Variants in SLC11A1 observed in about 807,000 individuals in gnomAD.
The protein encoded by SLC11A1 is natural resistance-associated macrophage protein 1.
A neutral mutation model predicts 63.2 loss-of-function variants in SLC11A1; 59 were observed. That is an observed-to-expected ratio of 0.93 (90% CI 0.76 to 1.16). The LOEUF (loss-of-function observed/expected upper bound fraction) is 1.16. SLC11A1 is among the 50% of genes most tolerant of loss of function. SLC11A1 has a pLI of 0.00. For synonymous variants in SLC11A1, 305 were observed against 307.8 expected, an observed-to-expected ratio of 0.99 and a Z score of 0.09; for missense variants, 688 against 730.7, an observed-to-expected ratio of 0.94 and a Z score of 0.67.
chr2:218,383,362 G>T, intron 2 of SLC11A1: 1 of 485,252 alleles, frequency 2.1e-6, no homozygotes, highest in Non-Finnish European at 3.7e-6. Flanking sequence ...GAGGCCCAGG[G>T]GGAATTGGGA....
Position 218,395,208 on chromosome 2 carries a change from C to T in SLC11A1, c.*173C>T. ...GCAGCCATGTGATTACCCTCTGGGT[C>T]TCAGTGTCCTCATCTGTAAAATGGA... On this transcript the variant is annotated 3_prime_UTR_variant, in exon 15 of 15. Coordinates refer to ENST00000233202, the MANE Select transcript of SLC11A1 (RefSeq NM_000578.4). 4 of 597,838 alleles carry T rather than the reference C, an allele frequency of 6.7e-6. No homozygotes were observed. Among genetic ancestry groups the T allele is most frequent in the Non-Finnish European group, 1.2e-5 (4 of 335,384 alleles). 37.0% of individuals were successfully genotyped at this position (597,838 alleles called of 1,614,324 possible).
At chr2:218,393,835 C>T (rs1228116090) in intron 12 of SLC11A1, among the ~76,000 whole-genome samples, 1 of 151,554 alleles carries the variant, frequency 6.6e-6, no homozygotes, top group East Asian at 1.9e-4. Context: ...TGCCCAGGCT[C>T]ATTATTCCAT....
chr2:218,391,002 C>T (rs1434265538), intron 9 of SLC11A1, among the ~76,000 whole-genome samples, 196 bp from the exon 10 acceptor site: 1 of 152,170 alleles, frequency 6.6e-6, no homozygotes, highest in Non-Finnish European at 1.5e-5. Flanking sequence ...GGCAACATGA[C>T]AAGACCCCCA....
chr2:218,392,052 G>A (rs558532513), intron 11 of SLC11A1: 4 of 377,406 alleles, frequency 1.1e-5, no homozygotes, highest in African/African-American at 2.2e-5. Context: ...CACTGCGTCC[G>A]GCCTTTTCTT....
In SLC11A1 at chr2:218,396,388, GA is replaced by G. The variant is rs1447735869; in HGVS notation, c.*1354del. ...CTCAGACCCCAGCCCAGGACCTGCG[GA>G]GGGCCGCAGCGAGGAGAGGCCAACA... On this transcript the variant is annotated 3_prime_UTR_variant, in exon 15 of 15. Coordinates refer to ENST00000233202, the MANE Select transcript of SLC11A1 (RefSeq NM_000578.4). 2.1e-4 allele frequency: 32 copies of G among 152,410 alleles called. No homozygotes were observed. The highest frequency in any genetic ancestry group is 2.1e-3 in the Admixed American group (32 of 15,288). The allele number at this position is 152,410 out of a possible 1,614,324, so 9.4% of individuals were successfully genotyped here.
In SLC11A1 at chr2:218,386,806, CT is replaced by C. The variant is rs916277804; in HGVS notation, c.500+66del. The C allele has an allele frequency of 6.0e-5, 70 of 1,174,322 alleles. 1 individual carries two copies. In the South Asian group the frequency reaches 7.3e-4, roughly 12 times the overall value. The allele number at this position is 1,174,322 out of a possible 1,614,324, so 72.7% of individuals were successfully genotyped here. On this transcript the variant is annotated intron_variant, in intron 5 of 14. Coordinates refer to ENST00000233202, the MANE Select transcript of SLC11A1 (RefSeq NM_000578.4). ...AGAACAGCTGCTGCTACTTCCCCCCCTAACCAGTCCCTCCCAGAGTCTATTT... is the reference window on the plus strand; with the variant it reads ...AGAACAGCTGCTGCTACTTCCCCCCCAACCAGTCCCTCCCAGAGTCTATTT...
rs892852472 is a variant in SLC11A1 at position 218,384,126 on chromosome 2, G to A, written c.151-117G>A. 1 of 1,145,880 alleles carries A rather than the reference G, an allele frequency of 8.7e-7. No individual in the cohort carries two copies. The highest frequency in any genetic ancestry group is 1.6e-5 in the African/African-American group (1 of 63,550). 71.0% of individuals were successfully genotyped at this position (1,145,880 alleles called of 1,614,324 possible). A position where few individuals can be genotyped will look rare whatever the true frequency, so the allele number is the denominator to read the frequency against. On this transcript the variant is annotated intron_variant, in intron 2 of 14. Transcript: ENST00000233202. The surrounding 1 kb of genome is among the most constrained non-coding windows in gnomAD (Gnocchi z 4.0). ...GGTGGCAGACCCAGGAATGGGCCAT[G>A]GAGGGCAGGGCTGGGCTGATGAGCC...
rs778822154 is a variant in SLC11A1 at position 218,394,962 on chromosome 2, T to C, written c.1580T>C (p.Leu527Pro). The C allele has an allele frequency of 6.2e-7, 1 of 1,613,434 alleles. No individual in the cohort carries two copies. The highest frequency in any genetic ancestry group is 8.5e-7 in the Non-Finnish European group (1 of 1,179,764). ...TCCLAHGATF[L>P]AHSSHHHFLY... Reference sequence around the variant, plus strand: ...TGCCTTGCCCACGGAGCCACCTTTCTGGCCCACAGCTCCCACCACCACTTC... The same window carrying C: ...TGCCTTGCCCACGGAGCCACCTTTCCGGCCCACAGCTCCCACCACCACTTC... The change falls in exon 15 of 15, where the codon CTG (leucine) becomes CCG (proline). Residue 527 changes from leucine (L) to proline (P), a missense_variant. Coordinates refer to ENST00000233202, the MANE Select transcript of SLC11A1 (RefSeq NM_000578.4).
At chr2:218,392,091 C>G (rs578241209) in intron 11 of SLC11A1, 1 of 394,346 alleles carries the variant, frequency 2.5e-6, no homozygotes, top group Non-Finnish European at 5.1e-6. Flanking sequence ...TTTTTTGAGA[C>G]GGCGTTTCGC....
chr2:218,389,104 A>AAATAATAATAATAAT lies in SLC11A1; in HGVS notation c.796-753_796-739dup, dbSNP rs138562502. Among the ~76,000 whole-genome samples, 203 of 147,696 alleles carry AAATAATAATAATAAT rather than the reference A, an allele frequency of 1.4e-3. 3 individuals carry two copies. Among genetic ancestry groups the AAATAATAATAATAAT allele is most frequent in the African/African-American group, 3.5e-3 (141 of 39,844 alleles). ...TCAGTGACACAGTGAGACCCTGTCA[A>AAATAATAATAATAAT]AATAATAATAATAATAATAATAATA... On this transcript the variant is annotated intron_variant, in intron 8 of 14. Transcript: ENST00000233202.
chr2:218,390,333 G>C (rs768081894), intron 9 of SLC11A1, among the ~76,000 whole-genome samples: 1 of 152,098 alleles, frequency 6.6e-6, no homozygotes. Flanking sequence ...AAGAAATAAA[G>C]GGGGTGAAGA....
At chr2:218,386,976 C>G (rs1696139178) in intron 5 of SLC11A1, 184 bp from the exon 6 acceptor site, 1 of 657,230 alleles carries the variant, frequency 1.5e-6, no homozygotes, top group African/African-American at 1.8e-5. Context: ...TGCCAGGTCT[C>G]TCCTCTAGCT....
chr2:218,385,408 T>G (rs1212004287), intron 4 of SLC11A1, 142 bp downstream of exon 4: 1 of 1,269,130 alleles, frequency 7.9e-7, no homozygotes, highest in East Asian at 2.5e-5. Flanking sequence ...TGTTTGTTTT[T>G]CAGTCGGAGT....
chr2:218,393,982 G>A (rs1377994580), intron 12 of SLC11A1, 138 bp from the exon 13 acceptor site: 4 of 697,526 alleles, frequency 5.7e-6, no homozygotes, highest in Admixed American at 2.8e-5. Flanking sequence ...GGCAGGAGAC[G>A]GGGAAGTAGG....
At chr2:218,391,866 G>T (rs376164670) in intron 11 of SLC11A1, 16 of 261,394 alleles carry the variant, frequency 6.1e-5, no homozygotes, top group Non-Finnish European at 1.1e-4. Context: ...CAAGTGATCC[G>T]CCTGCCTTGG....
chr2:218,387,151 T>C lies in SLC11A1; in HGVS notation c.501-9T>C, dbSNP rs745567630. Reference sequence around the variant, plus strand: ...CAGGCTGGGCTGACCCGGGCCACTCTGGTTTCAGAATCCCACTCTGGGGTG... The same window carrying C: ...CAGGCTGGGCTGACCCGGGCCACTCCGGTTTCAGAATCCCACTCTGGGGTG... On this transcript the variant is annotated splice_polypyrimidine_tract_variant and intron_variant, in intron 5 of 14. Coordinates refer to ENST00000233202, the MANE Select transcript of SLC11A1 (RefSeq NM_000578.4). 1.2e-6 allele frequency: 2 copies of C among 1,614,130 alleles called. No homozygotes were observed. The highest frequency in any genetic ancestry group is 1.7e-6 in the Non-Finnish European group (2 of 1,179,964).
At chr2:218,385,289 G>T (rs1169262312) in intron 4 of SLC11A1, 23 bp downstream of exon 4, 1 of 1,613,482 alleles carries the variant, frequency 6.2e-7, no homozygotes, top group Non-Finnish European at 8.5e-7. Context: ...GGCCTGGACA[G>T]GGAGAACCAC....
chr2:218,390,701 C>G (rs1696378434), intron 9 of SLC11A1, among the ~76,000 whole-genome samples: 1 of 152,150 alleles, frequency 6.6e-6, no homozygotes, highest in Non-Finnish European at 1.5e-5. Flanking sequence ...AACATCAGGA[C>G]TGCAAACCCT....
At chr2:218,387,986 C>A in intron 8 of SLC11A1, 31 bp downstream of exon 8, 2 of 1,557,198 alleles carry the variant, frequency 1.3e-6, no homozygotes, top group South Asian at 1.2e-5. Context: ...AGGAGACCCC[C>A]TCACTCAGTC....
Sources: gnomAD v4.1 joint callset for allele counts (sites outside exome capture counted in the v4.1 genomes callset) on GRCh38, gnomAD v4.1.1 for gene constraint, Gnocchi (gnomAD v3.1) non-coding constraint, MANE v1.5 for transcripts, NCBI Gene and HGNC (gene_info 2026-07-23, HGNC 2026-07-21) for gene names.